CSPP1: variants seen among roughly 807,000 people sequenced by gnomAD.
CSPP1 encodes centrosome and spindle pole associated protein 1, also known as centrosome and spindle pole-associated protein 1.
A neutral mutation model predicts 164.4 loss-of-function variants in CSPP1; 126 were observed. The ratio of observed to expected loss-of-function variants is 0.77; its 90% CI spans 0.66 to 0.89. The LOEUF is 0.89. Among genes scored for constraint, CSPP1 ranks in the 40% least tolerant of loss-of-function variants. CSPP1 has a pLI of 0.00. For synonymous variants in CSPP1, 472 were observed against 476.7 expected, an observed-to-expected ratio of 0.99 and a Z score of 0.13; for missense variants, 1,395 against 1,449.8, an observed-to-expected ratio of 0.96 and a Z score of 0.61.
At chr8:67,189,658 C>G (rs1301494906) in intron 28 of CSPP1, among the ~76,000 whole-genome samples, 1 of 151,982 alleles carries the variant, frequency 6.6e-6, no homozygotes, top group Admixed American at 6.6e-5. Context: ...AGTGTAGGAG[C>G]CAGTCCTTGT....
At chr8:67,191,584 T>C (rs1836268505) in intron 29 of CSPP1, among the ~76,000 whole-genome samples, 1 of 152,244 alleles carries the variant, frequency 6.6e-6, no homozygotes, top group Non-Finnish European at 1.5e-5. Context: ...TCATTCATGT[T>C]GTAGCATGTG....
intron 16 of CSPP1, 147 bp downstream of exon 16, chr8:67,132,227 C>A: frequency 1.3e-6 from 1 of 778,780 alleles, no homozygotes; most frequent in Non-Finnish European, 2.0e-6. Flanking sequence ...CAGTAAAACG[C>A]TGTTGGAAGC....
chr8:67,070,238 G>A lies in CSPP1; in HGVS notation c.-10-4005G>A, dbSNP rs184590393. Among the ~76,000 whole-genome samples the A allele has an allele frequency of 1.8e-3, 271 of 151,796 alleles. 2 individuals carry two copies. The highest frequency in any genetic ancestry group is 3.0e-3 in the Non-Finnish European group (204 of 67,904). On this transcript the variant is annotated intron_variant, in intron 1 of 30. Transcript: ENST00000678616. ...AGCACTTTGGGAGGCCGAGGCAGGC[G>A]GATCACGAGGTCAGGAGATTGAGAC... is the stretch of plus-strand genomic sequence containing the variant.
At chr8:67,192,545 T>C (rs961499080) in intron 29 of CSPP1, among the ~76,000 whole-genome samples, 3 of 152,262 alleles carry the variant, frequency 2.0e-5, no homozygotes, top group Non-Finnish European at 4.4e-5. Flanking sequence ...TTAATTTTGA[T>C]GAGGTCCAAC....
chr8:67,146,912 G>GT (rs1554597972), intron 17 of CSPP1, among the ~76,000 whole-genome samples: 1 of 152,020 alleles, frequency 6.6e-6, no homozygotes, highest in Non-Finnish European at 1.5e-5. Flanking sequence ...TTTAATTTTC[G>GT]TTTTTTAGCT....
intron 1 of CSPP1, among the ~76,000 whole-genome samples, chr8:67,065,940 CA>C (rs1805460769): frequency 6.6e-6 from 1 of 152,104 alleles, no homozygotes; most frequent in Non-Finnish European, 1.5e-5. Flanking sequence ...AGCTTTCAGA[CA>C]AATATGAATT....
intron 22 of CSPP1, among the ~76,000 whole-genome samples, chr8:67,163,103 C>T (rs751665181): frequency 1.3e-5 from 2 of 152,074 alleles, no homozygotes; most frequent in African/African-American, 4.8e-5. Context: ...ACGGCAGTTG[C>T]GACTGGCCAA....
At chr8:67,064,597 C>G in intron 1 of CSPP1, 59 bp downstream of exon 1, 1 of 1,328,180 alleles carries the variant, frequency 7.5e-7, no homozygotes, top group Non-Finnish European at 9.8e-7. Context: ...ATTCGCTGCC[C>G]CGGAGCGGGG....
rs145866188 is a variant in CSPP1 at position 67,144,598 on chromosome 8, C to A, written c.1976-5185C>A. ...GGGACTACAGTCATGTACCACCATA[C>A]CTGGCTAATTTTTTTTATTTTTTGT... On this transcript the variant is annotated intron_variant, in intron 17 of 30. Transcript: ENST00000678616. Among the ~76,000 whole-genome samples, 187 of 152,192 alleles carry A rather than the reference C, an allele frequency of 1.2e-3. 2 individuals are homozygous for A. The highest frequency in any genetic ancestry group is 4.6e-4 in the Non-Finnish European group (31 of 68,018).
chr8:67,082,292 C>T (rs1484586258), intron 3 of CSPP1, among the ~76,000 whole-genome samples: 1 of 152,182 alleles, frequency 6.6e-6, no homozygotes, highest in Admixed American at 6.5e-5. Flanking sequence ...TCAAGTAATC[C>T]ACCCACCTTG....
chr8:67,107,250 G>A (rs931437202), intron 9 of CSPP1, among the ~76,000 whole-genome samples: 3 of 152,046 alleles, frequency 2.0e-5, no homozygotes, highest in Non-Finnish European at 4.4e-5. Flanking sequence ...GTTTCACCAT[G>A]TTGGCCAGGC....
intron 18 of CSPP1, among the ~76,000 whole-genome samples, chr8:67,150,456 G>A (rs1401240978): frequency 6.6e-6 from 1 of 151,886 alleles, no homozygotes; most frequent in East Asian, 1.9e-4. Context: ...CCAGGCTGGA[G>A]TGCAGTGGCA....
intron 24 of CSPP1, among the ~76,000 whole-genome samples, chr8:67,167,940 G>A (rs1829762584): frequency 6.6e-6 from 1 of 151,962 alleles, no homozygotes; most frequent in African/African-American, 2.4e-5. Context: ...GGAGGCCAAG[G>A]CAGGCGGCTG....
At chr8:67,085,637 ACTTGT>A (rs1810239141) in intron 3 of CSPP1, among the ~76,000 whole-genome samples, 2 of 152,066 alleles carry the variant, frequency 1.3e-5, no homozygotes, top group Non-Finnish European at 2.9e-5. Flanking sequence ...ATGCTGGACT[ACTTGT>A]CTTAACTGGA....
chr8:67,086,280 T>C, intron 4 of CSPP1, 170 bp downstream of exon 4: 1 of 698,672 alleles, frequency 1.4e-6, no homozygotes, highest in Non-Finnish European at 2.6e-6. Flanking sequence ...GAGAAAAAAA[T>C]ATTGCTGAGA....
intron 7 of CSPP1, among the ~76,000 whole-genome samples, chr8:67,096,950 A>T (rs1035627168): frequency 2.6e-5 from 4 of 152,206 alleles, no homozygotes; most frequent in African/African-American, 9.6e-5. Context: ...TTATTCCTGT[A>T]GTCATAAGTT....
chr8:67,110,673 C>G (rs750389055), intron 9 of CSPP1, among the ~76,000 whole-genome samples: 9 of 152,140 alleles, frequency 5.9e-5, no homozygotes, highest in Non-Finnish European at 1.2e-4. Flanking sequence ...CAATTTAGCT[C>G]AGTTTCCTGG....
chr8:67,132,031 A>C lies in CSPP1; in HGVS notation c.1778A>C (p.Lys593Thr). Residue 593 changes from lysine (K) to threonine (T), a missense_variant, in exon 16 of 31, where the codon AAA becomes ACA. Coordinates refer to ENST00000678616, the MANE Select transcript of CSPP1 (RefSeq NM_001382391.1). Reference sequence around the variant, plus strand: ...GGATTGATTTTTGAAGATAAACCGAAACCTTCCAAACAGTCACTTCAGTCT... The same window carrying C: ...GGATTGATTTTTGAAGATAAACCGACACCTTCCAAACAGTCACTTCAGTCT... The part of the protein sequence containing the change: ...NSGLIFEDKP[K>T]PSKQSLQSYQ... 1 of 1,613,884 alleles carries C rather than the reference A, an allele frequency of 6.2e-7. No individual in the cohort carries two copies. Among genetic ancestry groups the C allele is most frequent in the Non-Finnish European group, 8.5e-7 (1 of 1,179,876 alleles).
intron 6 of CSPP1, among the ~76,000 whole-genome samples, chr8:67,094,399 G>GA (rs1033583194): frequency 1.3e-5 from 2 of 150,628 alleles, no homozygotes; most frequent in Non-Finnish European, 3.0e-5. Flanking sequence ...TCAGCCTCTG[G>GA]AGTAGCTGGG....
Sources: gnomAD v4.1 joint callset for allele counts (sites outside exome capture counted in the v4.1 genomes callset) on GRCh38, gnomAD v4.1.1 for gene constraint, MANE v1.5 for transcripts, NCBI Gene and HGNC (gene_info 2026-07-23, HGNC 2026-07-21) for gene names.